SURF1: variants seen among roughly 807,000 people sequenced by gnomAD.
The protein encoded by SURF1 is SURF1 cytochrome c oxidase assembly factor.
Under a neutral mutation model 34.1 loss-of-function variants are expected in SURF1, and 45 were observed. That is an observed-to-expected ratio of 1.32 (90% CI 1.04 to 1.69). The LOEUF (loss-of-function observed/expected upper bound fraction) is 1.69, where lower values mean the gene tolerates loss of function less well. SURF1 is among the 40% of genes most tolerant of loss of function. The pLI is 0.00. For missense variants in SURF1, 456 were observed against 384.6 expected (o/e 1.19, Z -1.55); for synonymous variants, 188 against 147.5 (o/e 1.27, Z -1.99).
chr9:133,351,971 G>A lies in SURF1; in HGVS notation c.845C>T (p.Ser282Phe), dbSNP rs2130003159. The A allele has an allele frequency of 3.1e-6, 5 of 1,613,522 alleles. No homozygotes were observed. Among genetic ancestry groups the A allele is most frequent in the Admixed American group, 1.7e-5 (1 of 59,958 alleles). Residue 282 changes from serine (S) to phenylalanine (F), a missense_variant, in exon 9 of 9, where the codon TCT becomes TTT. Ser to Phe is a radical substitution (Grantham distance 155, BLOSUM62 -2). Transcript: ENST00000371974. ...LQYIVTWYGL[S>F]AATSYLWFKK... ...AAACCACAGGTAGGATGTAGCTGCA[G>A]AGAGTCCATACCTAGGGGTTGAAAG...
intron 5 of SURF1, among the ~76,000 whole-genome samples, chr9:133,353,370 C>T (rs1477131388): frequency 6.6e-6 from 1 of 152,198 alleles, no homozygotes; most frequent in Non-Finnish European, 1.5e-5. Context: ...CTCTAGGGAG[C>T]CACCCCTGCC....
chr9:133,352,891 T>TC, intron 5 of SURF1, 125 bp from the exon 6 acceptor site: 1 of 1,099,832 alleles, frequency 9.1e-7, no homozygotes, highest in Non-Finnish European at 1.3e-6. Flanking sequence ...CAGGGCTGGC[T>TC]CAGTGGAGCC....
At chr9:133,353,161 C>G (rs2130012387) in intron 5 of SURF1, among the ~76,000 whole-genome samples, 15 of 152,218 alleles carry the variant, frequency 9.9e-5, no homozygotes, top group Non-Finnish European at 1.9e-4. Flanking sequence ...AGGAGCAGCC[C>G]TGGCACCCCA....
chr9:133,354,131 AGGCTAAAAATCT>A (rs1352965415), intron 4 of SURF1, 191 bp from the exon 5 acceptor site: 1 of 688,048 alleles, frequency 1.5e-6, no homozygotes, highest in Non-Finnish European at 2.6e-6. Context: ...TTTACAAGAG[AGGCTAAAAATCT>A]GGACTCCTCA....
chr9:133,352,564 T>G lies in SURF1; in HGVS notation c.633A>C (p.Glu211Asp). 1 of 1,614,156 alleles carries G rather than the reference T, an allele frequency of 6.2e-7. No homozygotes were observed. The highest frequency in any genetic ancestry group is 8.5e-7 in the Non-Finnish European group (1 of 1,180,028). The change falls in exon 7 of 9, where the codon GAA (glutamate) becomes GAC (aspartate). Residue 211 changes from glutamate to aspartate, a missense_variant. Transcript: ENST00000371974. Reference protein sequence around the residue: ...VDLIGMVRLTETRQPFVPENN... With the variant: ...VDLIGMVRLTDTRQPFVPENN... ...TCTCAGGGACAAAAGGCTGCCTGGT[T>G]TCTGTCAGCCTCACCATCCCAATGA...
intron 7 of SURF1, 50 bp downstream of exon 7, chr9:133,352,396 C>T (rs1482710132): frequency 4.3e-6 from 7 of 1,613,736 alleles, no homozygotes; most frequent in Non-Finnish European, 5.9e-6. Flanking sequence ...GGAGGAAGGA[C>T]AGTATTCACA....
chr9:133,354,149 C>A (rs1174616694), intron 4 of SURF1: 2 of 638,048 alleles, frequency 3.1e-6, no homozygotes, highest in Non-Finnish European at 5.6e-6. Flanking sequence ...AATCTGGACT[C>A]CTCAATGAAT....
chr9:133,352,204 T>C, intron 7 of SURF1, 62 bp from the exon 8 acceptor site: 1 of 1,504,714 alleles, frequency 6.6e-7, no homozygotes, highest in Non-Finnish European at 9.0e-7. Flanking sequence ...CACCACTTCC[T>C]AGTGGCTGTC....
intron 2 of SURF1, among the ~76,000 whole-genome samples, chr9:133,355,442 CG>C (rs1184350329): frequency 6.6e-6 from 1 of 152,052 alleles, no homozygotes; most frequent in South Asian, 2.1e-4. Context: ...TAGCTGAGCA[CG>C]ATGGTGCTTC....
rs2130026617 is a variant in SURF1 at position 133,356,418 on chromosome 9, C to T, written c.36G>A (p.Arg12=). The stretch of plus-strand genomic sequence containing the variant: ...CGCTCACCCGTCCCAGCCCCGCCGC[C>T]CGCAGCCCCAGCTGCAACGCAGCCA... ...AAVAALQLGL[R]AAGLGRAPAS... Residue 12 remains arginine, a synonymous_variant, in exon 1 of 9, where the codon CGG becomes CGA. Coordinates refer to ENST00000371974, the MANE Select transcript of SURF1 (RefSeq NM_003172.4). 14 of 1,390,238 alleles carry T rather than the reference C, an allele frequency of 1.0e-5. No homozygotes were observed. The African/African-American group carries it at 1.8e-4, about 18-fold the overall frequency. The allele number at this position is 1,390,238 out of a possible 1,614,324, so 86.1% of individuals were successfully genotyped here.
intron 4 of SURF1, 68 bp from the exon 5 acceptor site, chr9:133,354,008 A>T: frequency 6.3e-7 from 1 of 1,579,416 alleles, no homozygotes. Flanking sequence ...AGGGTGGCAG[A>T]CTACACAGCC....
intron 2 of SURF1, chr9:133,356,011 C>T: frequency 1.7e-6 from 1 of 572,304 alleles, no homozygotes; most frequent in Non-Finnish European, 3.1e-6. Context: ...GGAAGTAACT[C>T]TCGAGCCTTC....
chr9:133,355,023 TC>T (rs1317152270), intron 2 of SURF1, 66 bp from the exon 3 acceptor site: 2 of 1,601,934 alleles, frequency 1.2e-6, no homozygotes, highest in Non-Finnish European at 1.7e-6. Flanking sequence ...AGCAGCCCGT[TC>T]CAAGACAGAC....
Position 133,352,305 on chromosome 9 carries a change from T to G in SURF1, c.751+141A>C, listed in dbSNP as rs1187914283. The G allele has an allele frequency of 1.7e-5, 24 of 1,452,854 alleles. No homozygotes were observed. The Admixed American group carries it at 2.4e-4, about 14-fold the overall frequency. 90.0% of individuals were successfully genotyped at this position (1,452,854 alleles called of 1,614,324 possible). A position where few individuals can be genotyped will look rare whatever the true frequency, so the allele number is the denominator to read the frequency against. ...CCGCTCAGTACTTGCCTAGGTTCTT[T>G]GCTGAGTTGCTGCCTCCTCCCACCC... On this transcript the variant is annotated intron_variant, in intron 7 of 8. Transcript: ENST00000371974.
intron 2 of SURF1, among the ~76,000 whole-genome samples, chr9:133,355,246 A>C (rs2096188814): frequency 6.6e-6 from 1 of 152,216 alleles, no homozygotes; most frequent in Admixed American, 6.5e-5. Context: ...ATTCCACTGC[A>C]CTAAGATGCA....
At chr9:133,355,808 G>A (rs1266313569) in intron 2 of SURF1, among the ~76,000 whole-genome samples, 2 of 151,834 alleles carry the variant, frequency 1.3e-5, no homozygotes, top group Non-Finnish European at 2.9e-5. Flanking sequence ...GGGCCTTGCG[G>A]ATACTATTTT....
chr9:133,356,423 GC>G lies in SURF1; in HGVS notation c.30del (p.Leu11CysfsTer61). Reference protein sequence around the residue: MAAVAALQLGLRAAGLGRAP... With the variant: MAAVAALQLXLRAAGLGRAP... Reference sequence around the variant, plus strand: ...ACCCGTCCCAGCCCCGCCGCCCGCAGCCCCAGCTGCAACGCAGCCACCGCCG... The same window carrying G: ...ACCCGTCCCAGCCCCGCCGCCCGCAGCCCAGCTGCAACGCAGCCACCGCCG... On this transcript the variant is annotated frameshift_variant, in exon 1 of 9. Coordinates refer to ENST00000371974, the MANE Select transcript of SURF1 (RefSeq NM_003172.4). LOFTEE classifies it high-confidence loss of function. 7.2e-7 allele frequency: 1 copy of G among 1,390,880 alleles called. No homozygotes were observed. The highest frequency in any genetic ancestry group is 1.5e-5 in the South Asian group (1 of 64,964). 86.2% of individuals were successfully genotyped at this position (1,390,880 alleles called of 1,614,324 possible).
At chr9:133,355,831 T>A (rs1014286361) in intron 2 of SURF1, among the ~76,000 whole-genome samples, 10 of 151,312 alleles carry the variant, frequency 6.6e-5, no homozygotes, top group South Asian at 4.2e-4. Flanking sequence ...TTTTTTTTTT[T>A]ATAAAAAGGC....
Position 133,355,665 on chromosome 9 carries a change from A to G in SURF1, c.106+604T>C, listed in dbSNP as rs113081678. On this transcript the variant is annotated intron_variant, in intron 2 of 8. Coordinates refer to ENST00000371974, the MANE Select transcript of SURF1 (RefSeq NM_003172.4). ...GTTATGTAGAAAAATATATCAATTC[A>G]GTAATGGCTCACAGAGCTCTCTTAA... Among the ~76,000 whole-genome samples the G allele has an allele frequency of 6.2e-3, 950 of 152,354 alleles. 2 individuals carry two copies. Among genetic ancestry groups the G allele is most frequent in the Middle Eastern group, 0.027 (8 of 294 alleles).
Sources: gnomAD v4.1 joint callset for allele counts (sites outside exome capture counted in the v4.1 genomes callset) on GRCh38, gnomAD v4.1.1 for gene constraint, MANE v1.5 for transcripts, NCBI Gene and HGNC (gene_info 2026-07-23, HGNC 2026-07-21) for gene names.